Variants in LPA observed in about 807,000 individuals in gnomAD.
LPA encodes the protein lipoprotein(a), also known as apolipoprotein(a).
LPA carries 199 observed loss-of-function variants against 197.9 expected under a neutral mutation model. The observed-to-expected ratio is 1.01, with a 90% CI of 0.90 to 1.13. The LOEUF (loss-of-function observed/expected upper bound fraction) is 1.13, where lower values mean the gene tolerates loss of function less well. LPA is among the 50% of genes most tolerant of loss of function. LPA has a pLI of 0.00. For missense variants in LPA, 1,853 were observed against 1,785.8 expected, an observed-to-expected ratio of 1.04 and a Z score of -0.68; for synonymous variants, 715 against 639.5, an observed-to-expected ratio of 1.12 and a Z score of -1.78.
chr6:160,532,782 T>C, intron 37 of LPA, 133 bp from the exon 38 acceptor site: 1 of 727,004 alleles, frequency 1.4e-6, no homozygotes, highest in Non-Finnish European at 2.5e-6. Flanking sequence ...CAGCTCCCAA[T>C]GCCACTGGAC....
intron 28 of LPA, among the ~76,000 whole-genome samples, chr6:160,572,900 G>A (rs761425807): frequency 3.3e-5 from 5 of 152,076 alleles, no homozygotes; most frequent in Non-Finnish European, 7.4e-5. Context: ...AGATCTTTTT[G>A]TGATGAATTT....
At chr6:160,641,084 A>T (rs1454926409) in intron 4 of LPA, among the ~76,000 whole-genome samples, 1 of 138,436 alleles carries the variant, frequency 7.2e-6, no homozygotes, top group African/African-American at 2.9e-5. Context: ...AAAGTAGCAA[A>T]CGCTTCTTAG....
intron 30 of LPA, among the ~76,000 whole-genome samples, chr6:160,553,136 A>G (rs1180392491): frequency 2.0e-5 from 3 of 152,188 alleles, no homozygotes; most frequent in South Asian, 2.1e-4. Context: ...TGTTTTTATG[A>G]ATTTTACTAC....
rs201263608 is a variant in LPA at position 160,595,414 on chromosome 6, T to C, written c.3409A>G (p.Ser1137Gly). 3.3e-5 allele frequency: 53 copies of C among 1,613,952 alleles called. No homozygotes were observed. The East Asian group carries it at 1.0e-3, about 31-fold the overall frequency. Residue 1137 changes from serine (S) to glycine (G), a missense_variant, in exon 21 of 39, where the codon AGT (serine) becomes GGT (glycine). This residue lies in a region of LPA where 1,737 missense variants were observed against 1,504.4 expected (regional missense o/e 1.15). Transcript: ENST00000316300. ...NLTQCLVTESSVLATLTVVPD... is the reference protein window; with the variant it reads ...NLTQCLVTESGVLATLTVVPD... ...ACCACCGTGAGAGTTGCAAGGACAC[T>C]TGATTCTGTCACCAGGCATTGTGTC...
intron 24 of LPA, among the ~76,000 whole-genome samples, chr6:160,587,085 A>G (rs1340720292): frequency 1.3e-5 from 2 of 152,214 alleles, no homozygotes; most frequent in Admixed American, 1.3e-4. Context: ...TACCTAAGCA[A>G]TCCATCCACA....
At chr6:160,576,336 GTGTGTATATA>G (rs1227379263) in intron 28 of LPA, among the ~76,000 whole-genome samples, 16 of 19,712 alleles carry the variant, frequency 8.1e-4, no homozygotes, top group African/African-American at 4.6e-3. Context: ...GTGTGTGTGT[GTGTGTATATA>G]TATATATATA....
chr6:160,591,776 A>G (rs1035721993), intron 22 of LPA, among the ~76,000 whole-genome samples: 1 of 151,936 alleles, frequency 6.6e-6, no homozygotes, highest in South Asian at 2.1e-4. Flanking sequence ...TGTTTCATGG[A>G]TTTACTCCTT....
chr6:160,533,368 A>G (rs1443911007), intron 37 of LPA, among the ~76,000 whole-genome samples: 1 of 152,224 alleles, frequency 6.6e-6, no homozygotes, highest in Non-Finnish European at 1.5e-5. Context: ...CTTAATCCTC[A>G]CAACGGTCCT....
At chr6:160,607,790 C>G (rs1040497987) in intron 16 of LPA, among the ~76,000 whole-genome samples, 2 of 152,084 alleles carry the variant, frequency 1.3e-5, no homozygotes, top group Non-Finnish European at 2.9e-5. Context: ...TACTAAGAGC[C>G]CAAACTCGTG....
Position 160,557,551 on chromosome 6 carries a change from C to T in LPA, c.4652G>A (p.Cys1551Tyr), listed in dbSNP as rs375415625. 4 of 1,613,938 alleles carry T rather than the reference C, an allele frequency of 2.5e-6. No individual in the cohort carries two copies. The African/African-American group carries it at 5.3e-5, about 22-fold the overall frequency. The change falls in exon 29 of 39, where the codon TGC (cysteine) becomes TAC (tyrosine). Residue 1551 changes from cysteine (C) to tyrosine (Y), a missense_variant. By Grantham distance (194) the Cys-to-Tyr change is radical (BLOSUM62 -2). Around this residue, in one of 3 missense-constraint regions of LPA, gnomAD observed 1,737 missense variants for 1,504.4 expected, o/e 1.15. Coordinates refer to ENST00000316300, the MANE Select transcript of LPA (RefSeq NM_005577.4). ...YPNAGLTENY[C>Y]RNPDSGKQPW... ...TTGTTTCCCAGAATCTGGATTCCTGCAGTAGTTCTCGGTCAGGCCACTGCA... is the reference window on the plus strand; with the variant it reads ...TTGTTTCCCAGAATCTGGATTCCTGTAGTAGTTCTCGGTCAGGCCACTGCA...
At chr6:160,611,470 T>A (rs1390973363) in intron 16 of LPA, 92 bp downstream of exon 16, 71 of 1,555,232 alleles carry the variant, frequency 4.6e-5, no homozygotes, top group Non-Finnish European at 8.8e-6. Context: ...CTGACACAAG[T>A]TGAGTTCGGA....
In LPA at chr6:160,611,508, C is replaced by A. The variant is rs573183916; in HGVS notation, c.2603+54G>T. 3.4e-3 allele frequency: 5,444 copies of A among 1,601,098 alleles called. 53 individuals are homozygous for A. Among genetic ancestry groups the A allele is most frequent in the Admixed American group, 6.2e-3 (373 of 59,984 alleles). ...ACTCAGCTTGAAGCATGTCTCTTGT[C>A]ACAGAAACTTCAGTTGGCCCTTTAT... On this transcript the variant is annotated intron_variant, in intron 16 of 38. Transcript: ENST00000316300.
Position 160,585,331 on chromosome 6 carries a change from A to G in LPA, c.4130-126T>C, listed in dbSNP as rs1361507206. ...TACACTCTTCTATATTAGCATGCAA[A>G]TTGAAATGTAGAATAAAAATACAAA... On this transcript the variant is annotated intron_variant, in intron 25 of 38. Transcript: ENST00000316300. 4 of 876,222 alleles carry G rather than the reference A, an allele frequency of 4.6e-6. No homozygotes were observed. In the East Asian group the frequency reaches 9.8e-5, roughly 21 times the overall value. The allele number at this position is 876,222 out of a possible 1,614,324, so 54.3% of individuals were successfully genotyped here.
At chr6:160,647,320 A>G (rs1419607281) in intron 2 of LPA, among the ~76,000 whole-genome samples, 1 of 152,180 alleles carries the variant, frequency 6.6e-6, no homozygotes, top group Non-Finnish European at 1.5e-5. Context: ...ATCTTGAAGC[A>G]TTCGCTCTTC....
chr6:160,561,060 C>T lies in LPA; in HGVS notation c.4632-3489G>A, dbSNP rs543185930. Among the ~76,000 whole-genome samples the T allele has an allele frequency of 4.2e-4, 64 of 152,180 alleles. 1 individual carries two copies. The South Asian group carries it at 8.3e-3, about 20-fold the overall frequency. On this transcript the variant is annotated intron_variant, in intron 28 of 38. Transcript: ENST00000316300. ...AAGTAGCTGGGACTACAGGTGCCCA[C>T]GACCACACCCAGCTAATTTTTTGTA...
At chr6:160,588,258 T>A (rs564835939) in intron 24 of LPA, among the ~76,000 whole-genome samples, 289 of 151,476 alleles carry the variant, frequency 1.9e-3, no homozygotes, top group African/African-American at 6.8e-3. Context: ...GGGGTTGAGT[T>A]TTTTTTTTCT....
chr6:160,656,723 T>C (rs1780139137), intron 1 of LPA, among the ~76,000 whole-genome samples: 1 of 152,190 alleles, frequency 6.6e-6, no homozygotes, highest in Non-Finnish European at 1.5e-5. Flanking sequence ...GTGTCCTTCC[T>C]CAAGGGGATC....
chr6:160,556,505 G>A (rs183332595), intron 29 of LPA, among the ~76,000 whole-genome samples: 45 of 152,178 alleles, frequency 3.0e-4, no homozygotes, highest in Admixed American at 2.2e-3. Flanking sequence ...GAAACCAGAC[G>A]ATGATGGATT....
chr6:160,597,823 G>T (rs574129784), intron 20 of LPA, among the ~76,000 whole-genome samples: 2 of 152,096 alleles, frequency 1.3e-5, no homozygotes, highest in Non-Finnish European at 2.9e-5. Flanking sequence ...CACACTAAAT[G>T]CTTTTTTATG....
Sources: allele counts gnomAD v4.1 joint callset (sites outside exome capture counted in the v4.1 genomes callset), GRCh38; gene constraint gnomAD v4.1.1; regional missense constraint gnomAD v4.1.1; transcripts MANE v1.5; gene names NCBI Gene and HGNC (gene_info 2026-07-23, HGNC 2026-07-21).